Variants in HDAC9 observed in about 807,000 individuals in gnomAD.
The protein encoded by HDAC9 is histone deacetylase 9, also known as MEF-2 interacting transcription repressor (MITR) protein.
Under a neutral mutation model 139.4 loss-of-function variants are expected in HDAC9, and 41 were observed. The observed-to-expected ratio is 0.29, with a 90% confidence interval of 0.23 to 0.38. HDAC9 has a LOEUF of 0.38. Among genes scored for constraint, HDAC9 ranks in the 10% least tolerant of loss-of-function variants. The probability of loss-of-function intolerance (pLI) is 1.00; values close to 1 mark genes in which losing one functional copy is unlikely to be tolerated. For synonymous variants in HDAC9, 517 were observed against 476.2 expected (o/e 1.09, Z -1.12); for missense variants, 1,147 against 1,297.0 (o/e 0.88, Z 1.78).
At chr7:18,930,202 C>A (rs1357693910) in intron 22 of HDAC9, among the ~76,000 whole-genome samples, 1 of 151,988 alleles carries the variant, frequency 6.6e-6, no homozygotes, top group Non-Finnish European at 1.5e-5. Flanking sequence ...ATTGCTTGAG[C>A]CTACAAGGTA....
intron 17 of HDAC9, among the ~76,000 whole-genome samples, chr7:18,797,599 G>A (rs927801999): frequency 9.2e-5 from 14 of 151,992 alleles, no homozygotes; most frequent in Non-Finnish European, 1.3e-4. Flanking sequence ...AGGCTGAGGC[G>A]GGTGGATGAC....
intron 21 of HDAC9, among the ~76,000 whole-genome samples, chr7:18,846,182 C>T (rs1353097450): frequency 2.6e-5 from 4 of 152,092 alleles, no homozygotes; most frequent in Non-Finnish European, 5.9e-5. Context: ...TGTTCTTCTC[C>T]TCCCTGAATA....
intron 1 of HDAC9, among the ~76,000 whole-genome samples, chr7:18,145,983 G>A (rs1359426963): frequency 6.6e-6 from 1 of 152,088 alleles, no homozygotes; most frequent in Non-Finnish European, 1.5e-5. Flanking sequence ...CTGGAAAAAG[G>A]GCACATAGCA....
chr7:18,508,300 A>G (rs572061978), intron 2 of HDAC9, among the ~76,000 whole-genome samples: 1 of 152,344 alleles, frequency 6.6e-6, no homozygotes, highest in East Asian at 1.9e-4. Context: ...TAAAAAAAGT[A>G]GATTTTCCTT....
Position 18,996,376 on chromosome 7 carries a change from CAGTACAGCACTAGATATTGTTAA to C in HDAC9, c.*315_*337del. 1.2e-5 allele frequency: 3 copies of C among 254,822 alleles called. No homozygotes were observed. In the South Asian group the frequency reaches 1.8e-4, roughly 15 times the overall value. 15.8% of individuals were successfully genotyped at this position (254,822 alleles called of 1,614,324 possible). A position where few individuals can be genotyped will look rare whatever the true frequency, so the allele number is the denominator to read the frequency against. ...ACACCAAGTTTGAACTAGAAACATT[CAGTACAGCACTAGATATTGTTAA>C]TTTCAGAAGCTATGACAGCCAGTGA... is the stretch of plus-strand genomic sequence containing the variant. On this transcript the variant is annotated 3_prime_UTR_variant, in exon 26 of 26. Coordinates refer to ENST00000686413, the MANE Select transcript of HDAC9 (RefSeq NM_178425.4).
intron 1 of HDAC9, among the ~76,000 whole-genome samples, chr7:18,482,379 CCAAAAAAAAAAAA>C (rs1795625062): frequency 1.6e-4 from 1 of 6,300 alleles, no homozygotes; most frequent in Admixed American, 2.4e-3. Flanking sequence ...CCTGGACTCA[CCAAAAAAAAAAAA>C]AAAAAAAAAA....
At chr7:18,980,672 T>C (rs1487713345) in intron 25 of HDAC9, among the ~76,000 whole-genome samples, 1 of 85,232 alleles carries the variant, frequency 1.2e-5, no homozygotes, top group Admixed American at 1.6e-4. Context: ...TTGTTCTTCT[T>C]GTTCTTGTTC....
intron 22 of HDAC9, among the ~76,000 whole-genome samples, chr7:18,922,235 A>T (rs1363509501): frequency 6.6e-6 from 1 of 152,080 alleles, no homozygotes. Context: ...TAATAATAAT[A>T]ATTAAAAAAC....
intron 7 of HDAC9, among the ~76,000 whole-genome samples, chr7:18,632,656 CT>C (rs1782692688): frequency 2.6e-5 from 4 of 152,018 alleles, no homozygotes; most frequent in Non-Finnish European, 1.5e-5. Flanking sequence ...TAATATTAGG[CT>C]CTATTTTGGA....
At chr7:18,716,918 A>G (rs556190145) in intron 12 of HDAC9, among the ~76,000 whole-genome samples, 5 of 150,192 alleles carry the variant, frequency 3.3e-5, no homozygotes, top group African/African-American at 1.2e-4. Flanking sequence ...TATAAGTCAC[A>G]TTATTGTTTT....
chr7:18,228,993 T>G (rs1793261758), intron 2 of HDAC9, among the ~76,000 whole-genome samples: 2 of 152,272 alleles, frequency 1.3e-5, no homozygotes, highest in South Asian at 4.1e-4. Flanking sequence ...TTATTAGACT[T>G]GTGCAGTTTC....
At chr7:18,416,942 A>G (rs939041559) in intron 1 of HDAC9, among the ~76,000 whole-genome samples, 2 of 151,970 alleles carry the variant, frequency 1.3e-5, no homozygotes, top group Non-Finnish European at 2.9e-5. Context: ...TATTTTGGTC[A>G]AGTTTTCTTT....
intron 12 of HDAC9, among the ~76,000 whole-genome samples, chr7:18,687,241 A>G (rs1302663971): frequency 6.6e-6 from 1 of 151,820 alleles, no homozygotes; most frequent in South Asian, 2.1e-4. Flanking sequence ...AAGCTGTTCA[A>G]TATGTAACAT....
At chr7:18,624,804 G>A (rs1841194980) in intron 6 of HDAC9, among the ~76,000 whole-genome samples, 1 of 151,748 alleles carries the variant, frequency 6.6e-6, no homozygotes, top group African/African-American at 2.4e-5. Flanking sequence ...TTAGGAGTGA[G>A]TTTTATAGAG....
rs935377604 is a variant in HDAC9, at chr7:18,666,416, T to C, written c.1671T>C (p.Ser557=). 1.2e-5 allele frequency: 19 copies of C among 1,612,718 alleles called. No homozygotes were observed. Among genetic ancestry groups the C allele is most frequent in the East Asian group, 4.5e-5 (2 of 44,632 alleles). ...AGGTCAAGGAGGAACCAGTGGACAGTGATGAAGATGCTCAGATCCAGGAAA... is the reference window on the plus strand; with the variant it reads ...AGGTCAAGGAGGAACCAGTGGACAGCGATGAAGATGCTCAGATCCAGGAAA... ...AVKVKEEPVD[S]DEDAQIQEME... The change falls in exon 12 of 26, where the codon AGT becomes AGC. Residue 557 remains serine (S), a synonymous_variant. Coordinates refer to ENST00000686413, the MANE Select transcript of HDAC9 (RefSeq NM_178425.4).
intron 2 of HDAC9, among the ~76,000 whole-genome samples, chr7:18,524,615 A>G (rs1214970041): frequency 6.6e-6 from 1 of 152,186 alleles, no homozygotes; most frequent in Non-Finnish European, 1.5e-5. Context: ...TATTGAAAAT[A>G]AAGTTTATGT....
At chr7:18,140,403 CA>C (rs1179931962) in intron 1 of HDAC9, among the ~76,000 whole-genome samples, 1 of 151,816 alleles carries the variant, frequency 6.6e-6, no homozygotes, top group Non-Finnish European at 1.5e-5. Flanking sequence ...TTTGAGCCCA[CA>C]AAAACAAGAA....
chr7:18,886,592 ATT>A (rs1800175547), intron 22 of HDAC9, among the ~76,000 whole-genome samples: 1 of 152,168 alleles, frequency 6.6e-6, no homozygotes, highest in African/African-American at 2.4e-5. Context: ...TTGTGCCACA[ATT>A]GATGGCATCT....
intron 1 of HDAC9, among the ~76,000 whole-genome samples, chr7:18,484,853 TAAAAA>T (rs71553929): frequency 7.2e-6 from 1 of 139,302 alleles, no homozygotes; most frequent in Admixed American, 7.1e-5. Flanking sequence ...ACCCCACCTG[TAAAAA>T]AAAAAAAAAG....
Sources: gnomAD v4.1 joint callset for allele counts (sites outside exome capture counted in the v4.1 genomes callset) on GRCh38, gnomAD v4.1.1 for gene constraint, MANE v1.5 for transcripts, NCBI Gene and HGNC (gene_info 2026-07-23, HGNC 2026-07-21) for gene names.